Variants in EEF2K observed in about 807,000 individuals in gnomAD.
EEF2K encodes the protein alternative protein EEF2K.
In EEF2K, 70 loss-of-function variants were observed where a neutral mutation model predicts 93.8. The observed-to-expected ratio is 0.75, with a 90% CI of 0.62 to 0.91. The LOEUF (loss-of-function observed/expected upper bound fraction) is 0.91, where lower values mean the gene tolerates loss of function less well. EEF2K is among the 40% of genes least tolerant of loss of function. EEF2K has a pLI of 0.00. For synonymous variants in EEF2K, 376 were observed against 380.8 expected (o/e 0.99, Z 0.15); for missense variants, 935 against 972.9 (o/e 0.96, Z 0.52).
intron 13 of EEF2K, 46 bp from the exon 14 acceptor site, chr16:22,266,344 G>A (rs755340934): frequency 4.3e-5 from 68 of 1,577,876 alleles, no homozygotes; most frequent in Non-Finnish European, 5.4e-5. Flanking sequence ...GTGATGCTGC[G>A]TCCACCCCCA....
At chr16:22,212,038 G>A (rs142866848) in intron 1 of EEF2K, among the ~76,000 whole-genome samples, 312 of 151,994 alleles carry the variant, frequency 2.1e-3, no homozygotes, top group African/African-American at 6.6e-3. Flanking sequence ...AGAGTGTACC[G>A]TGGACATGCA....
chr16:22,246,569 T>C (rs1017436733), intron 3 of EEF2K, among the ~76,000 whole-genome samples: 1 of 148,590 alleles, frequency 6.7e-6, no homozygotes, highest in Non-Finnish European at 1.5e-5. Context: ...CCAAGGACTT[T>C]CAGAGTTGCA....
At chr16:22,240,586 G>T (rs2047212293) in intron 2 of EEF2K, among the ~76,000 whole-genome samples, 2 of 152,092 alleles carry the variant, frequency 1.3e-5, no homozygotes, top group Non-Finnish European at 2.9e-5. Context: ...TCAATTGGAG[G>T]TTAGGCAAAT....
chr16:22,234,122 G>A (rs1331904033), intron 2 of EEF2K, among the ~76,000 whole-genome samples: 1 of 152,186 alleles, frequency 6.6e-6, no homozygotes, highest in Non-Finnish European at 1.5e-5. Context: ...TAGGCAAAAC[G>A]TTTGTGTGTT....
chr16:22,263,016 G>A (rs2047480518), intron 11 of EEF2K, 94 bp from the exon 12 acceptor site: 11 of 1,174,274 alleles, frequency 9.4e-6, no homozygotes, highest in Non-Finnish European at 1.3e-5. Context: ...TGGGACAGAG[G>A]GGAGAAAGCT....
chr16:22,236,776 CATT>C (rs930514539), intron 2 of EEF2K, among the ~76,000 whole-genome samples: 1 of 151,450 alleles, frequency 6.6e-6, no homozygotes, highest in Admixed American at 6.6e-5. Context: ...CTATAGTAAT[CATT>C]ATTATTATTT....
chr16:22,278,747 A>G (rs1481833754), intron 16 of EEF2K, among the ~76,000 whole-genome samples: 2 of 152,104 alleles, frequency 1.3e-5, no homozygotes, highest in African/African-American at 4.8e-5. Flanking sequence ...ATTACACCCA[A>G]AGAAAAAGAG....
In EEF2K at chr16:22,286,570, C is replaced by T. The variant is rs1459727642; in HGVS notation, c.*2574C>T. 1.3e-5 allele frequency: 2 copies of T among 152,208 alleles called. No homozygotes were observed. The highest frequency in any genetic ancestry group is 3.8e-4 in the East Asian group (2 of 5,204). The allele number at this position is 152,208 out of a possible 1,614,324, so 9.4% of individuals were successfully genotyped here. ...CCTGCTGTTGTAATGTAAAAGCTGC[C>T]ACAGACACTACATGAACACGAATGA... On this transcript the variant is annotated 3_prime_UTR_variant, in exon 18 of 18. Coordinates refer to ENST00000263026, the MANE Select transcript of EEF2K (RefSeq NM_013302.5).
At chr16:22,208,757 G>C (rs1372742358) in intron 1 of EEF2K, among the ~76,000 whole-genome samples, 1 of 151,668 alleles carries the variant, frequency 6.6e-6, no homozygotes, top group Admixed American at 6.6e-5. Flanking sequence ...AAAAATCTCT[G>C]ATTTGCTTTT....
chr16:22,245,888 T>C (rs1462657332), intron 3 of EEF2K, among the ~76,000 whole-genome samples: 1 of 152,160 alleles, frequency 6.6e-6, no homozygotes, highest in African/African-American at 2.4e-5. Flanking sequence ...TAATCAGCTC[T>C]GCAGTGGACA....
At chr16:22,210,064 G>A (rs2046900554) in intron 1 of EEF2K, among the ~76,000 whole-genome samples, 1 of 152,174 alleles carries the variant, frequency 6.6e-6, no homozygotes, top group South Asian at 2.1e-4. Context: ...CAAAGTGTTA[G>A]GATCACAGGC....
chr16:22,219,239 C>G (rs1288770338), intron 1 of EEF2K, among the ~76,000 whole-genome samples: 1 of 152,180 alleles, frequency 6.6e-6, no homozygotes, highest in African/African-American at 2.4e-5. Flanking sequence ...ACCCAGTCTT[C>G]ATGTGCAAAT....
At chr16:22,275,467 C>T (rs1228547454) in intron 16 of EEF2K, among the ~76,000 whole-genome samples, 6 of 151,942 alleles carry the variant, frequency 3.9e-5, no homozygotes, top group African/African-American at 9.7e-5. Flanking sequence ...CTCAGCCTCC[C>T]AAGTAGCTGG....
intron 3 of EEF2K, among the ~76,000 whole-genome samples, chr16:22,247,494 G>T (rs2141667287): frequency 6.6e-6 from 1 of 151,648 alleles, no homozygotes; most frequent in Admixed American, 6.6e-5. Flanking sequence ...CTGTGCAATA[G>T]CTGGCCATAA....
At chr16:22,257,886 C>T in intron 9 of EEF2K, 116 bp downstream of exon 9, 1 of 1,462,632 alleles carries the variant, frequency 6.8e-7, no homozygotes, top group Non-Finnish European at 9.2e-7. Flanking sequence ...TGATGAATAC[C>T]AGGGCTGGAA....
intron 1 of EEF2K, among the ~76,000 whole-genome samples, chr16:22,209,562 G>C (rs999979190): frequency 3.9e-5 from 6 of 152,228 alleles, no homozygotes; most frequent in African/African-American, 1.4e-4. Context: ...TATAGACAAA[G>C]TAATAGCGGC....
In EEF2K at chr16:22,226,691, A is replaced by T. The variant is rs72768928; in HGVS notation, c.246+716A>T. Among the ~76,000 whole-genome samples, 19 of 151,612 alleles carry T rather than the reference A, an allele frequency of 1.3e-4. No homozygotes were observed. The South Asian group carries it at 1.5e-3, about 12-fold the overall frequency. On this transcript the variant is annotated intron_variant, in intron 2 of 17. Coordinates refer to ENST00000263026, the MANE Select transcript of EEF2K (RefSeq NM_013302.5). ...CCACTATACCCGGCTCATTAAAAAAATTTTTTTTGTAGAAATGGGGTTTCC... is the reference window on the plus strand; with the variant it reads ...CCACTATACCCGGCTCATTAAAAAATTTTTTTTTGTAGAAATGGGGTTTCC...
At chr16:22,273,571 C>A in intron 15 of EEF2K, 55 bp from the exon 16 acceptor site, 1 of 1,595,912 alleles carries the variant, frequency 6.3e-7, no homozygotes, top group South Asian at 1.1e-5. Flanking sequence ...CTTGGCAGCC[C>A]TCGAGTGTAA....
chr16:22,281,320 G>A (rs911058138), intron 17 of EEF2K, among the ~76,000 whole-genome samples: 1 of 151,670 alleles, frequency 6.6e-6, no homozygotes, highest in Non-Finnish European at 1.5e-5. Flanking sequence ...GCTCACTCCA[G>A]CCTGGAACTC....
Sources: allele counts gnomAD v4.1 joint callset (sites outside exome capture counted in the v4.1 genomes callset), GRCh38; gene constraint gnomAD v4.1.1; transcripts MANE v1.5; gene names NCBI Gene and HGNC (gene_info 2026-07-23, HGNC 2026-07-21).